Variants in PCBP3 observed in about 807,000 individuals in gnomAD.
PCBP3 encodes the protein poly(rC)-binding protein 3.
PCBP3 carries 25 observed loss-of-function variants against 52.7 expected under a neutral mutation model. The observed-to-expected ratio is 0.47, with a 90% CI of 0.35 to 0.66. The LOEUF (loss-of-function observed/expected upper bound fraction) is 0.66, where lower values mean the gene tolerates loss of function less well. PCBP3 is among the 30% of genes least tolerant of loss of function. The pLI is 0.01. For synonymous variants in PCBP3, 162 were observed against 183.0 expected, an observed-to-expected ratio of 0.89 and a Z score of 0.93; for missense variants, 391 against 490.3, an observed-to-expected ratio of 0.80 and a Z score of 1.91.
intron 4 of PCBP3, among the ~76,000 whole-genome samples, chr21:45,790,009 G>A (rs1250925729): frequency 3.9e-5 from 6 of 152,158 alleles, no homozygotes; most frequent in African/African-American, 4.8e-5. Flanking sequence ...GTGTGGTGGC[G>A]TGCGCCTGTA....
At position 45,823,835 on chromosome 21, in the gene PCBP3, G is replaced by A. The variant is rs142360970; in HGVS notation, c.-125-26126G>A. Among the ~76,000 whole-genome samples the A allele has an allele frequency of 7.3e-3, 1,105 of 151,654 alleles. 14 individuals carry two copies. The highest frequency in any genetic ancestry group is 0.025 in the African/African-American group (1,052 of 41,328). On this transcript the variant is annotated intron_variant, in intron 4 of 17. Transcript: ENST00000681687. ...CGACTCACTGCAACCTCCATCTCCC[G>A]GGTTCCAGCAATTCTCCTGCCTCAG...
intron 1 of PCBP3, among the ~76,000 whole-genome samples, chr21:45,646,847 C>G (rs1233042768): frequency 1.3e-5 from 2 of 152,202 alleles, no homozygotes; most frequent in African/African-American, 4.8e-5. Context: ...GTTTTGCATT[C>G]TCCAGCATGT....
intron 4 of PCBP3, among the ~76,000 whole-genome samples, chr21:45,816,498 CCCCCTCCCCT>C (rs1211168287): frequency 5.3e-4 from 29 of 55,226 alleles, no homozygotes; most frequent in Admixed American, 6.9e-4. Flanking sequence ...TCCTCCCCTT[CCCCCTCCCCT>C]CCCCTCCCCT....
chr21:45,669,652 C>T (rs1861015751), intron 2 of PCBP3, among the ~76,000 whole-genome samples: 1 of 151,658 alleles, frequency 6.6e-6, no homozygotes, highest in Non-Finnish European at 1.5e-5. Context: ...ACTATAGATA[C>T]TTCATATAAG....
chr21:45,764,447 A>G (rs1355260361), intron 4 of PCBP3, among the ~76,000 whole-genome samples: 1 of 152,184 alleles, frequency 6.6e-6, no homozygotes, highest in East Asian at 1.9e-4. Flanking sequence ...CTTGAATTCA[A>G]CAATTGTGCT....
intron 5 of PCBP3, among the ~76,000 whole-genome samples, chr21:45,894,483 G>A (rs572855774): frequency 2.8e-4 from 43 of 152,208 alleles, no homozygotes; most frequent in Non-Finnish European, 4.4e-4. Flanking sequence ...ATCTCAGGGT[G>A]CCCATGTGCA....
intron 5 of PCBP3, among the ~76,000 whole-genome samples, chr21:45,893,214 T>C (rs1389227253): frequency 6.6e-6 from 1 of 151,680 alleles, no homozygotes; most frequent in African/African-American, 2.4e-5. Context: ...GAGAGTTGTC[T>C]TGAGCAGGGA....
intron 15 of PCBP3, among the ~76,000 whole-genome samples, chr21:45,933,870 C>T (rs977610155): frequency 7.2e-5 from 11 of 152,096 alleles, no homozygotes; most frequent in Non-Finnish European, 1.6e-4. Context: ...ACTGCCCCAC[C>T]CAGGGCCCAG....
At chr21:45,797,664 C>CACAGAGAGAGTGAATGCATGG (rs1603430821) in intron 4 of PCBP3, among the ~76,000 whole-genome samples, 1 of 133,160 alleles carries the variant, frequency 7.5e-6, no homozygotes, top group Non-Finnish European at 1.6e-5. Context: ...TGCATGGATC[C>CACAGAGAGAGTGAATGCATGG]ATAGGGAGAG....
intron 5 of PCBP3, among the ~76,000 whole-genome samples, chr21:45,895,256 A>G (rs1010211073): frequency 1.3e-5 from 2 of 152,196 alleles, no homozygotes; most frequent in African/African-American, 4.8e-5. Flanking sequence ...CTCTGCCCTG[A>G]CTTTTAACCC....
chr21:45,868,937 C>T (rs1267121904), intron 5 of PCBP3, among the ~76,000 whole-genome samples: 1 of 152,230 alleles, frequency 6.6e-6, no homozygotes, highest in East Asian at 1.9e-4. Flanking sequence ...TCACGAGACT[C>T]ACTTCTTCCC....
At chr21:45,646,099 CTCTCTCTCTGTGTGTGTG>C (rs1404719835) in intron 1 of PCBP3, among the ~76,000 whole-genome samples, 2 of 85,444 alleles carry the variant, frequency 2.3e-5, no homozygotes, top group African/African-American at 8.1e-5. Flanking sequence ...CTCTCTCTCT[CTCTCTCTCTGTGTGTGTG>C]TGTGTGTGTG....
intron 15 of PCBP3, among the ~76,000 whole-genome samples, chr21:45,931,056 G>A (rs980951948): frequency 3.3e-5 from 5 of 152,318 alleles, no homozygotes; most frequent in South Asian, 2.1e-4. Flanking sequence ...AGGGCACCCC[G>A]GCCATGGGAG....
At chr21:45,647,950 A>G (rs1017890148) in intron 1 of PCBP3, among the ~76,000 whole-genome samples, 1 of 152,200 alleles carries the variant, frequency 6.6e-6, no homozygotes, top group Admixed American at 6.5e-5. Flanking sequence ...TCTTAAAAGT[A>G]GAAGAGAGAG....
chr21:45,864,672 G>T (rs2094641067), intron 5 of PCBP3, among the ~76,000 whole-genome samples: 1 of 152,112 alleles, frequency 6.6e-6, no homozygotes, highest in South Asian at 2.1e-4. Flanking sequence ...TGCATTTGCT[G>T]GGAAAAATGT....
intron 4 of PCBP3, among the ~76,000 whole-genome samples, chr21:45,815,707 GTAGTGAGTGA>G (rs2147216634): frequency 1.2e-5 from 1 of 84,182 alleles, no homozygotes. Context: ...TGAGTGGTGA[GTAGTGAGTGA>G]TGAGTGGTGA....
In PCBP3 at chr21:45,765,875, A is replaced by C. The variant is rs139062551; in HGVS notation, c.-126+10423A>C. On this transcript the variant is annotated intron_variant, in intron 4 of 17. Transcript: ENST00000681687. The stretch of plus-strand genomic sequence containing the variant: ...TGTTCCTGAGAACGGGGAAGGCTCA[A>C]ATTTTGTTCAGTCTCATAATTGTGC... 1.7e-4 allele frequency among the ~76,000 whole-genome samples: 26 copies of C among 152,328 alleles called. No homozygotes were observed. In the East Asian group the frequency reaches 4.8e-3, roughly 28 times the overall value.
At chr21:45,933,449 G>A (rs2076543559) in intron 15 of PCBP3, among the ~76,000 whole-genome samples, 1 of 152,192 alleles carries the variant, frequency 6.6e-6, no homozygotes, top group Non-Finnish European at 1.5e-5. Context: ...AATATCCCAA[G>A]TTCAACAGGT....
intron 14 of PCBP3, 102 bp downstream of exon 14, chr21:45,930,097 G>A (rs1272161707): frequency 1.7e-6 from 1 of 575,448 alleles, no homozygotes; most frequent in African/African-American, 2.0e-5. Context: ...GGTGCAGTTG[G>A]ATTTGTGAGT....
Sources: gnomAD v4.1 joint callset for allele counts (sites outside exome capture counted in the v4.1 genomes callset) on GRCh38, gnomAD v4.1.1 for gene constraint, MANE v1.5 for transcripts, NCBI Gene and HGNC (gene_info 2026-07-23, HGNC 2026-07-21) for gene names.